DENND1A: variants seen among roughly 807,000 people sequenced by gnomAD.
The protein encoded by DENND1A is DENN domain-containing protein 1A.
A neutral mutation model predicts 113.7 loss-of-function variants in DENND1A; 51 were observed. That is an observed-to-expected ratio of 0.45 (90% CI 0.36 to 0.57). The LOEUF (loss-of-function observed/expected upper bound fraction) is 0.57. Among genes scored for constraint, DENND1A ranks in the 20% least tolerant of loss-of-function variants. The pLI is 0.00. For missense variants in DENND1A, 1,258 were observed against 1,395.9 expected (o/e 0.90, Z 1.57); for synonymous variants, 565 against 570.8 (o/e 0.99, Z 0.14).
intron 11 of DENND1A, among the ~76,000 whole-genome samples, chr9:123,593,626 G>T (rs1162478015): frequency 1.3e-5 from 2 of 152,136 alleles, no homozygotes; most frequent in Non-Finnish European, 2.9e-5. Context: ...TATGTCCCCT[G>T]TAAGTATGAC....
intron 13 of DENND1A, among the ~76,000 whole-genome samples, chr9:123,546,547 A>G (rs910980312): frequency 7.5e-5 from 11 of 145,904 alleles, no homozygotes; most frequent in Middle Eastern, 3.5e-3. Flanking sequence ...GCGAGACTCC[A>G]TCTCAAAAAA....
chr9:123,546,468 T>C (rs540048425), intron 13 of DENND1A, among the ~76,000 whole-genome samples: 25 of 151,604 alleles, frequency 1.6e-4, no homozygotes, highest in Non-Finnish European at 3.1e-4. Context: ...AGGAGAATGG[T>C]GTGAACCTGG....
At chr9:123,648,243 T>G (rs1246231288) in intron 9 of DENND1A, among the ~76,000 whole-genome samples, 1 of 152,192 alleles carries the variant, frequency 6.6e-6, no homozygotes, top group Non-Finnish European at 1.5e-5. Flanking sequence ...CCACGCTCAT[T>G]TTTAATTTTC....
At chr9:123,471,780 C>G (rs905229665) in intron 13 of DENND1A, among the ~76,000 whole-genome samples, 1 of 152,200 alleles carries the variant, frequency 6.6e-6, no homozygotes. Context: ...CCAGGCTCCT[C>G]CCACGACACC....
intron 13 of DENND1A, among the ~76,000 whole-genome samples, chr9:123,552,031 G>GAGAGAC (rs748603856): frequency 0.034 from 4,848 of 143,426 alleles, 132 homozygotes; most frequent in Non-Finnish European, 0.039. Flanking sequence ...GAGAGAGAGA[G>GAGAGAC]AGAGAGACAG....
intron 4 of DENND1A, among the ~76,000 whole-genome samples, chr9:123,763,672 G>C (rs1412633569): frequency 6.6e-6 from 1 of 152,054 alleles, no homozygotes; most frequent in Non-Finnish European, 1.5e-5. Flanking sequence ...CTAATTTATA[G>C]AAACACCAAT....
chr9:123,461,724 G>A (rs913283918), intron 13 of DENND1A, among the ~76,000 whole-genome samples: 4 of 152,234 alleles, frequency 2.6e-5, no homozygotes, highest in African/African-American at 9.7e-5. Context: ...TGGGCCTGTT[G>A]TGTGCTCACG....
intron 19 of DENND1A, among the ~76,000 whole-genome samples, chr9:123,420,536 C>T (rs962029507): frequency 6.6e-6 from 1 of 152,134 alleles, no homozygotes; most frequent in African/African-American, 2.4e-5. Context: ...TTCAGGGGCT[C>T]GCCAGTCCTG....
At chr9:123,604,949 C>A (rs958592387) in intron 11 of DENND1A, among the ~76,000 whole-genome samples, 1 of 152,178 alleles carries the variant, frequency 6.6e-6, no homozygotes, top group Non-Finnish European at 1.5e-5. Context: ...CTGTGCTGGG[C>A]ATCTGATAGG....
At chr9:123,601,850 G>A (rs2059947164) in intron 11 of DENND1A, among the ~76,000 whole-genome samples, 2 of 152,212 alleles carry the variant, frequency 1.3e-5, no homozygotes, top group South Asian at 4.1e-4. Context: ...CCCAGTCAAA[G>A]TATACTCAGA....
rs1192408606 is a variant in DENND1A, at chr9:123,380,933, C to T, written c.*499G>A. ...GTAAATCCTCCAGCCCAGGAGGAGT[C>T]CTAACTTCAACCCCAAGCTACCTGT... On this transcript the variant is annotated 3_prime_UTR_variant, in exon 24 of 24. Coordinates refer to ENST00000394215, the MANE Select transcript of DENND1A (RefSeq NM_001352964.2). 1 of 166,082 alleles carries T rather than the reference C, an allele frequency of 6.0e-6. No homozygotes were observed. Among genetic ancestry groups the T allele is most frequent in the Non-Finnish European group, 1.3e-5 (1 of 76,566 alleles). 10.3% of individuals were successfully genotyped at this position (166,082 alleles called of 1,614,324 possible). A position where few individuals can be genotyped will look rare whatever the true frequency, so the allele number is the denominator to read the frequency against.
chr9:123,690,784 T>C (rs1564955947), intron 5 of DENND1A, among the ~76,000 whole-genome samples: 2 of 152,226 alleles, frequency 1.3e-5, no homozygotes, highest in Non-Finnish European at 2.9e-5. Context: ...TCAGAGAGAA[T>C]AGAATGAAGA....
At chr9:123,721,131 G>T (rs188592052) in intron 5 of DENND1A, among the ~76,000 whole-genome samples, 97 of 152,262 alleles carry the variant, frequency 6.4e-4, no homozygotes, top group African/African-American at 2.3e-3. Flanking sequence ...CCTGTAAGTG[G>T]TTCCTCTATG....
At chr9:123,647,976 A>T (rs1181509563) in intron 9 of DENND1A, among the ~76,000 whole-genome samples, 13 of 152,232 alleles carry the variant, frequency 8.5e-5, no homozygotes, top group Admixed American at 8.5e-4. Flanking sequence ...TTTGTAGCAC[A>T]TACCCTTCAA....
intron 19 of DENND1A, among the ~76,000 whole-genome samples, chr9:123,435,958 C>T (rs780438964): frequency 4.9e-4 from 75 of 152,230 alleles, no homozygotes; most frequent in Non-Finnish European, 9.1e-4. Flanking sequence ...CTATGGCTCA[C>T]CCATCTTATT....
rs760709746 is a variant in DENND1A at position 123,818,555 on chromosome 9, CACACACACACACATAT to C, written c.89-25941_89-25926del. 9.0e-5 allele frequency among the ~76,000 whole-genome samples: 13 copies of C among 144,780 alleles called. No homozygotes were observed. In the South Asian group the frequency reaches 1.3e-3, roughly 14 times the overall value. 95.0% of individuals were successfully genotyped at this position (144,780 alleles called of 152,430 possible). A position where few individuals can be genotyped will look rare whatever the true frequency, so the allele number is the denominator to read the frequency against. ...ACACACACACACACACACACACACA[CACACACACACACATAT>C]ATATATATATATAAAATGAGATCTT... On this transcript the variant is annotated intron_variant, in intron 2 of 23. Coordinates refer to ENST00000394215, the MANE Select transcript of DENND1A (RefSeq NM_001352964.2).
intron 13 of DENND1A, among the ~76,000 whole-genome samples, chr9:123,501,674 G>T (rs1205799173): frequency 6.6e-6 from 1 of 152,214 alleles, no homozygotes; most frequent in Non-Finnish European, 1.5e-5. Context: ...GTCTGTGAGG[G>T]TGTTGTCAAA....
intron 2 of DENND1A, among the ~76,000 whole-genome samples, chr9:123,825,211 A>C (rs1054837393): frequency 4.6e-5 from 7 of 152,072 alleles, no homozygotes; most frequent in African/African-American, 1.4e-4. Flanking sequence ...TTTTTATATA[A>C]TACTACTATA....
At chr9:123,795,723 T>C (rs1363888330) in intron 2 of DENND1A, among the ~76,000 whole-genome samples, 1 of 152,202 alleles carries the variant, frequency 6.6e-6, no homozygotes, top group Non-Finnish European at 1.5e-5. Context: ...TATCTATTTC[T>C]TTATCCACCA....
Sources: gnomAD v4.1 joint callset for allele counts (sites outside exome capture counted in the v4.1 genomes callset) on GRCh38, gnomAD v4.1.1 for gene constraint, MANE v1.5 for transcripts, NCBI Gene and HGNC (gene_info 2026-07-23, HGNC 2026-07-21) for gene names.